The following SEC31B variants were observed in gnomAD, a reference collection of about 807,000 sequenced individuals.
The protein encoded by SEC31B is SEC31 homolog B, COPII component.
Under a neutral mutation model 135.0 loss-of-function variants are expected in SEC31B, and 113 were observed. The observed-to-expected ratio is 0.84, with a 90% CI of 0.72 to 0.98. SEC31B has a LOEUF of 0.98. SEC31B is among the 50% of genes least tolerant of loss of function. The pLI is 0.00. For synonymous variants in SEC31B, 508 were observed against 549.4 expected, an observed-to-expected ratio of 0.92 and a Z score of 1.05; for missense variants, 1,296 against 1,421.1, an observed-to-expected ratio of 0.91 and a Z score of 1.42.
chr10:100,510,798 T>C (rs1204118300), intron 3 of SEC31B, among the ~76,000 whole-genome samples: 1 of 152,202 alleles, frequency 6.6e-6, no homozygotes, highest in East Asian at 1.9e-4. Flanking sequence ...GCCAACACAA[T>C]GCTAGCTAAG....
intron 19 of SEC31B, chr10:100,494,879 G>A (rs1851374827): frequency 6.7e-6 from 1 of 149,372 alleles, no homozygotes; most frequent in South Asian, 2.1e-4. Flanking sequence ...AGGCTGGAGT[G>A]CAGTGGTATG....
intron 24 of SEC31B, among the ~76,000 whole-genome samples, chr10:100,488,407 C>T (rs1263620339): frequency 2.0e-5 from 3 of 148,106 alleles, no homozygotes; most frequent in Admixed American, 6.9e-5. Flanking sequence ...TGCAGTGAGC[C>T]GAGATCGCGC....
chr10:100,499,489 A>G lies in SEC31B; in HGVS notation c.1485+35T>C, dbSNP rs1312313979. The G allele has an allele frequency of 2.0e-6, 3 of 1,525,486 alleles. No homozygotes were observed. In the Admixed American group the frequency reaches 5.4e-5, roughly 27 times the overall value. 94.5% of individuals were successfully genotyped at this position (1,525,486 alleles called of 1,614,324 possible). On this transcript the variant is annotated intron_variant, in intron 12 of 25. Transcript: ENST00000370345. ...TGGCAACATTCTCTTCTTCTCTTCA[A>G]CAAGTACATGTTTCTGATGTGAAAA...
At chr10:100,506,507 G>T in intron 7 of SEC31B, 87 bp from the exon 8 acceptor site, 1 of 1,108,046 alleles carries the variant, frequency 9.0e-7, no homozygotes, top group African/African-American at 1.5e-5. Context: ...CATTTTATAG[G>T]GCATATCAGA....
chr10:100,503,807 T>G (rs568029025), intron 10 of SEC31B, among the ~76,000 whole-genome samples: 2 of 152,190 alleles, frequency 1.3e-5, no homozygotes, highest in African/African-American at 2.4e-5. Flanking sequence ...AATGTCCATG[T>G]TTGTTATATG....
chr10:100,491,801 G>C (rs374746593), intron 19 of SEC31B, among the ~76,000 whole-genome samples: 2 of 152,214 alleles, frequency 1.3e-5, no homozygotes, highest in South Asian at 4.1e-4. Flanking sequence ...GGGACTTTTT[G>C]TAAGTGTTTA....
At chr10:100,497,953 G>A in intron 15 of SEC31B, 76 bp downstream of exon 15, 1 of 1,583,896 alleles carries the variant, frequency 6.3e-7, no homozygotes, top group Non-Finnish European at 8.6e-7. Context: ...TCAAACATGG[G>A]TCCCAAGGTG....
At chr10:100,519,137 C>T (rs920862374) in intron 1 of SEC31B, among the ~76,000 whole-genome samples, 6 of 152,168 alleles carry the variant, frequency 3.9e-5, no homozygotes, top group East Asian at 1.9e-4. Flanking sequence ...ATCAAGAGCC[C>T]GTATTTCTAA....
At position 100,487,973 on chromosome 10, in the gene SEC31B, C is replaced by T. The variant is rs573526555; in HGVS notation, c.3360+54G>A. 4.2e-5 allele frequency: 67 copies of T among 1,582,946 alleles called. No homozygotes were observed. The East Asian group carries it at 1.4e-3, about 33-fold the overall frequency. On this transcript the variant is annotated intron_variant, in intron 25 of 25. Coordinates refer to ENST00000370345, the MANE Select transcript of SEC31B (RefSeq NM_015490.4). ...GAAAAGACACTGGGCTTCCTTTGGC[C>T]ATGGTGATGGTGGAAGTGTAGGAGG...
At position 100,497,871 on chromosome 10, in the gene SEC31B, G is replaced by A. The variant is rs935562334; in HGVS notation, c.1864-78C>T. 9 of 1,609,256 alleles carry A rather than the reference G, an allele frequency of 5.6e-6. No homozygotes were observed. In the Admixed American group the frequency reaches 6.7e-5, roughly 12 times the overall value. On this transcript the variant is annotated intron_variant, in intron 15 of 25. Transcript: ENST00000370345. Reference sequence around the variant, plus strand: ...AGCAGGATTCCTGCACAGGCCTCCTGTTAGAGCACTGAGTAGGGGCAAGGG... The same window carrying A: ...AGCAGGATTCCTGCACAGGCCTCCTATTAGAGCACTGAGTAGGGGCAAGGG...
intron 19 of SEC31B, among the ~76,000 whole-genome samples, chr10:100,493,227 T>G (rs1394576187): frequency 6.6e-6 from 1 of 151,696 alleles, no homozygotes; most frequent in Non-Finnish European, 1.5e-5. Context: ...CAAAAAATTA[T>G]CCGGGCGTGG....
Position 100,490,775 on chromosome 10 carries a change from T to G in SEC31B, c.2581A>C (p.Ile861Leu). Residue 861 changes from isoleucine to leucine, a missense_variant, in exon 20 of 26, where the codon ATA (isoleucine) becomes CTA (leucine). Ile to Leu is a conservative substitution (Grantham distance 5). Coordinates refer to ENST00000370345, the MANE Select transcript of SEC31B (RefSeq NM_015490.4). Reference sequence around the variant, plus strand: ...GGCCCAGGTGCCCTGTAGTCACTTATATTCTGTGTCCTGGGACCCTGATAA... The same window carrying G: ...GGCCCAGGTGCCCTGTAGTCACTTAGATTCTGTGTCCTGGGACCCTGATAA... ...SPYQGPRTQN[I>L]SDYRAPGPQA... 6.2e-7 allele frequency: 1 copy of G among 1,611,142 alleles called. No individual in the cohort carries two copies. Among genetic ancestry groups the G allele is most frequent in the Non-Finnish European group, 8.5e-7 (1 of 1,178,378 alleles).
intron 2 of SEC31B, 36 bp downstream of exon 2, chr10:100,516,838 A>G (rs1425867976): frequency 1.4e-6 from 2 of 1,466,818 alleles, no homozygotes; most frequent in Non-Finnish European, 1.9e-6. Flanking sequence ...CAACTTATGT[A>G]CTCCCAGTGG....
chr10:100,490,295 C>T lies in SEC31B; in HGVS notation c.2678G>A (p.Gly893Glu), dbSNP rs374745319. 8.1e-6 allele frequency: 13 copies of T among 1,613,574 alleles called. No homozygotes were observed. In the African/African-American group the frequency reaches 1.6e-4, roughly 20 times the overall value. Residue 893 changes from glycine (G) to glutamate (E), a missense_variant, in exon 21 of 26, where the codon GGG becomes GAG. Physicochemically the swap from Gly to Glu is moderately conservative, Grantham distance 98. Coordinates refer to ENST00000370345, the MANE Select transcript of SEC31B (RefSeq NM_015490.4). Reference protein sequence around the residue: ...PASSQPQLLGGQRVQVPNPVG... With the variant: ...PASSQPQLLGEQRVQVPNPVG... ...CGGGTTAGGAACTTGCACCCTTTGC[C>T]CTCCTAATAGCTGTGGCTGAGATGA...
chr10:100,510,083 T>C (rs1851712122), intron 3 of SEC31B, among the ~76,000 whole-genome samples: 2 of 152,244 alleles, frequency 1.3e-5, no homozygotes, highest in African/African-American at 2.4e-5. Context: ...GGATAAATGC[T>C]AGGAAGTAGC....
intron 23 of SEC31B, 108 bp downstream of exon 23, chr10:100,489,144 C>T (rs762018633): frequency 6.9e-6 from 10 of 1,447,026 alleles, no homozygotes; most frequent in Non-Finnish European, 9.2e-6. Context: ...TACCTGCCCC[C>T]AGTCTCCCTC....
At position 100,487,614 on chromosome 10, in the gene SEC31B, G is replaced by A. The variant is rs1851204502; in HGVS notation, c.*2C>T. 2 of 1,611,670 alleles carry A rather than the reference G, an allele frequency of 1.2e-6. No individual in the cohort carries two copies. Among genetic ancestry groups the A allele is most frequent in the Non-Finnish European group, 1.7e-6 (2 of 1,179,014 alleles). ...GCCTCCTAGCAAGAGAGGCTGCCTG[G>A]TTTAGACCAGCAGCTTATGAGCGAT... On this transcript the variant is annotated 3_prime_UTR_variant, in exon 26 of 26. Coordinates refer to ENST00000370345, the MANE Select transcript of SEC31B (RefSeq NM_015490.4).
At chr10:100,506,603 C>T in intron 7 of SEC31B, 183 bp from the exon 8 acceptor site, 1 of 614,300 alleles carries the variant, frequency 1.6e-6, no homozygotes, top group Non-Finnish European at 2.8e-6. Flanking sequence ...AACTTTCCAA[C>T]AGTTGCAGAG....
At chr10:100,519,342 G>C (rs1851907278) in intron 1 of SEC31B, among the ~76,000 whole-genome samples, 1 of 152,262 alleles carries the variant, frequency 6.6e-6, no homozygotes, top group Non-Finnish European at 1.5e-5. Flanking sequence ...CTGCCGTGCA[G>C]GAGGGCACCA....
Sources: allele counts gnomAD v4.1 joint callset (sites outside exome capture counted in the v4.1 genomes callset), GRCh38; gene constraint gnomAD v4.1.1; transcripts MANE v1.5; gene names NCBI Gene and HGNC (gene_info 2026-07-23, HGNC 2026-07-21).